The following SLC4A10 variants were observed in gnomAD, a reference collection of about 807,000 sequenced individuals.
The protein encoded by SLC4A10 is sodium-driven chloride bicarbonate exchanger.
In SLC4A10, 42 loss-of-function variants were observed where a neutral mutation model predicts 137.7. The observed-to-expected ratio is 0.30, with a 90% CI of 0.24 to 0.39. SLC4A10 has a LOEUF of 0.39. SLC4A10 is among the 10% of genes least tolerant of loss of function. The probability of loss-of-function intolerance (pLI) is 1.00; values close to 1 mark genes in which losing one functional copy is unlikely to be tolerated. For missense variants in SLC4A10, 925 were observed against 1,355.0 expected (o/e 0.68, Z 4.98); for synonymous variants, 474 against 464.1 (o/e 1.02, Z -0.27).
intron 19 of SLC4A10, among the ~76,000 whole-genome samples, chr2:161,956,378 C>A (rs1433831827): frequency 1.3e-5 from 2 of 152,126 alleles, no homozygotes; most frequent in African/African-American, 2.4e-5. Flanking sequence ...TCTCATAAAG[C>A]AGTCACTAAA....
At chr2:161,710,530 T>C in intron 1 of SLC4A10, 1 of 209,614 alleles carries the variant, frequency 4.8e-6, no homozygotes, top group South Asian at 7.1e-5. Flanking sequence ...TTTTTCTCTA[T>C]TACTATTTCA....
chr2:161,953,931 A>C (rs1398945882), intron 19 of SLC4A10, among the ~76,000 whole-genome samples: 1 of 152,228 alleles, frequency 6.6e-6, no homozygotes, highest in Non-Finnish European at 1.5e-5. Context: ...AAAAGCATTA[A>C]AAATATCTAC....
chr2:161,947,132 A>C (rs1693961242), intron 16 of SLC4A10, among the ~76,000 whole-genome samples: 1 of 152,088 alleles, frequency 6.6e-6, no homozygotes, highest in African/African-American at 2.4e-5. Context: ...ATGGAATATT[A>C]ATAATAGCAT....
intron 1 of SLC4A10, among the ~76,000 whole-genome samples, chr2:161,767,891 C>T (rs546729852): frequency 3.9e-5 from 6 of 152,096 alleles, no homozygotes; most frequent in African/African-American, 7.2e-5. Flanking sequence ...TTGTTCAGAA[C>T]ATCTCTGAAT....
intron 1 of SLC4A10, among the ~76,000 whole-genome samples, chr2:161,700,761 G>A (rs182859423): frequency 2.0e-5 from 3 of 151,992 alleles, no homozygotes; most frequent in Admixed American, 6.6e-5. Flanking sequence ...GACTCAAAAG[G>A]CATCAGAATA....
chr2:161,912,840 G>T (rs1201159430), intron 15 of SLC4A10, among the ~76,000 whole-genome samples: 1 of 152,110 alleles, frequency 6.6e-6, no homozygotes, highest in Non-Finnish European at 1.5e-5. Context: ...TGCCAGAAGA[G>T]GATATAAGAA....
chr2:161,940,926 A>G (rs114342181), intron 15 of SLC4A10, among the ~76,000 whole-genome samples: 3,352 of 152,266 alleles, frequency 0.022, 141 homozygotes, highest in African/African-American at 0.077. Context: ...CAACATAACA[A>G]GACTCTGTCT....
chr2:161,881,125 C>T (rs1380695064), intron 9 of SLC4A10, among the ~76,000 whole-genome samples: 1 of 151,890 alleles, frequency 6.6e-6, no homozygotes, highest in Non-Finnish European at 1.5e-5. Context: ...ATAAAGAAAG[C>T]CATTCAGGGT....
chr2:161,645,713 C>T (rs1387590713), intron 1 of SLC4A10, among the ~76,000 whole-genome samples: 1 of 151,782 alleles, frequency 6.6e-6, no homozygotes, highest in Admixed American at 6.6e-5. Flanking sequence ...ATAATATTCC[C>T]CAAAAATTTA....
At position 161,706,491 on chromosome 2, in the gene SLC4A10, T is replaced by A. The variant is rs547225078; in HGVS notation, c.49-64482T>A. On this transcript the variant is annotated intron_variant, in intron 1 of 26. Coordinates refer to ENST00000446997, the MANE Select transcript of SLC4A10 (RefSeq NM_001178015.2). ...TCTATTCATTTCTCTTCATTCCTAT[T>A]GCCACTTCTTTGGTTCAGGCCATCA... Among the ~76,000 whole-genome samples the A allele has an allele frequency of 2.0e-5, 3 of 151,714 alleles. 1 individual carries two copies. The East Asian group carries it at 5.8e-4, about 29-fold the overall frequency.
chr2:161,661,817 A>G (rs1270406557), intron 1 of SLC4A10, among the ~76,000 whole-genome samples: 2 of 152,176 alleles, frequency 1.3e-5, no homozygotes, highest in African/African-American at 2.4e-5. Context: ...AAGTGATGAA[A>G]CTTAAGATTT....
At chr2:161,857,290 G>A (rs1022685671) in intron 5 of SLC4A10, among the ~76,000 whole-genome samples, 13 of 152,174 alleles carry the variant, frequency 8.5e-5, no homozygotes, top group African/African-American at 2.6e-4. Flanking sequence ...TTCAGTTGAC[G>A]TCTTGATACC....
chr2:161,719,784 C>G (rs957770893), intron 1 of SLC4A10, among the ~76,000 whole-genome samples: 8 of 152,118 alleles, frequency 5.3e-5, no homozygotes, highest in Admixed American at 3.9e-4. Context: ...ATTGTAGATT[C>G]TGGATATTAG....
intron 1 of SLC4A10, among the ~76,000 whole-genome samples, chr2:161,682,095 C>A (rs949604665): frequency 3.3e-5 from 5 of 152,102 alleles, no homozygotes; most frequent in African/African-American, 1.2e-4. Flanking sequence ...CCAAATATGG[C>A]AGTCCCAAAA....
intron 1 of SLC4A10, among the ~76,000 whole-genome samples, chr2:161,713,861 T>C (rs932029019): frequency 2.0e-5 from 3 of 151,906 alleles, no homozygotes; most frequent in Admixed American, 2.0e-4. Context: ...TGCATGAGGT[T>C]AGTAAAAAAG....
At chr2:161,669,238 G>T (rs1193488909) in intron 1 of SLC4A10, among the ~76,000 whole-genome samples, 2 of 151,812 alleles carry the variant, frequency 1.3e-5, no homozygotes, top group Non-Finnish European at 2.9e-5. Context: ...ACCAAATTGG[G>T]ATTATGGGAT....
At chr2:161,691,299 T>C (rs2041969999) in intron 1 of SLC4A10, among the ~76,000 whole-genome samples, 1 of 116,792 alleles carries the variant, frequency 8.6e-6, no homozygotes, top group African/African-American at 3.4e-5. Flanking sequence ...AGTAGAAGGA[T>C]GGTTATCAGA....
intron 1 of SLC4A10, among the ~76,000 whole-genome samples, chr2:161,678,836 C>A (rs942191854): frequency 6.6e-6 from 1 of 152,092 alleles, no homozygotes; most frequent in African/African-American, 2.4e-5. Flanking sequence ...TATGAACATA[C>A]CACAATTTAT....
chr2:161,830,532 CA>C lies in SLC4A10; in HGVS notation c.278-9255del, dbSNP rs944487711. Among the ~76,000 whole-genome samples, 68 of 150,466 alleles carry C rather than the reference CA, an allele frequency of 4.5e-4. 1 individual carries two copies. The highest frequency in any genetic ancestry group is 1.5e-3 in the African/African-American group (63 of 41,034). ...ACAGAATAAGACTGGAAACTTTGAG[CA>C]AGTTTATTTTCTGTTTTTAAAAAAA... On this transcript the variant is annotated intron_variant, in intron 3 of 26. Coordinates refer to ENST00000446997, the MANE Select transcript of SLC4A10 (RefSeq NM_001178015.2).
Sources: allele counts gnomAD v4.1 joint callset (sites outside exome capture counted in the v4.1 genomes callset), GRCh38; gene constraint gnomAD v4.1.1; transcripts MANE v1.5; gene names NCBI Gene and HGNC (gene_info 2026-07-23, HGNC 2026-07-21).